The following UTP20 variants were observed in gnomAD, a reference collection of about 807,000 sequenced individuals.
UTP20 encodes the protein small subunit processome component 20 homolog.
Under a neutral mutation model 329.5 loss-of-function variants are expected in UTP20, and 164 were observed. The observed-to-expected ratio is 0.50, with a 90% CI of 0.44 to 0.57. UTP20 has a LOEUF of 0.57. UTP20 is among the 20% of genes least tolerant of loss of function. The probability of loss-of-function intolerance (pLI) is 0.00; values close to 1 mark genes in which losing one functional copy is unlikely to be tolerated. For missense variants in UTP20, 3,055 were observed against 3,284.2 expected, an observed-to-expected ratio of 0.93 and a Z score of 1.71; for synonymous variants, 1,151 against 1,159.3, an observed-to-expected ratio of 0.99 and a Z score of 0.14.
chr12:101,342,347 C>G, intron 32 of UTP20, 99 bp from the exon 33 acceptor site: 1 of 975,824 alleles, frequency 1.0e-6, no homozygotes, highest in Non-Finnish European at 1.4e-6. Flanking sequence ...ACTTTTACAT[C>G]TTATTCACAA....
chr12:101,311,620 CATTTT>C (rs1402453231), intron 19 of UTP20, 94 bp from the exon 20 acceptor site: 2 of 1,087,206 alleles, frequency 1.8e-6, no homozygotes, highest in Non-Finnish European at 2.6e-6. Context: ...ACCTAATTGA[CATTTT>C]AGTTATATCC....
At chr12:101,375,857 C>A in intron 56 of UTP20, 101 bp downstream of exon 56, 1 of 711,688 alleles carries the variant, frequency 1.4e-6, no homozygotes. Context: ...AGAAAGTATA[C>A]AATGTCAGGA....
intron 43 of UTP20, among the ~76,000 whole-genome samples, chr12:101,360,245 G>C (rs1369778276): frequency 6.6e-6 from 1 of 152,198 alleles, no homozygotes; most frequent in Non-Finnish European, 1.5e-5. Flanking sequence ...TTTTTTTACA[G>C]TTACAGGAAA....
intron 27 of UTP20, among the ~76,000 whole-genome samples, chr12:101,330,794 C>T (rs1037837984): frequency 6.6e-6 from 1 of 152,178 alleles, no homozygotes; most frequent in African/African-American, 2.4e-5. Context: ...TAATCAGTAA[C>T]TCAAAGGATA....
chr12:101,353,099 G>T lies in UTP20; in HGVS notation c.5077G>T (p.Glu1693Ter). 1 of 1,597,264 alleles carries T rather than the reference G, an allele frequency of 6.3e-7. No homozygotes were observed. Among genetic ancestry groups the T allele is most frequent in the South Asian group, 1.1e-5 (1 of 88,424 alleles). Residue 1693 changes from glutamate to a stop codon, truncating the protein, a stop_gained, in exon 40 of 62, where the codon GAA becomes TAA. Coordinates refer to ENST00000261637, the MANE Select transcript of UTP20 (RefSeq NM_014503.3). LOFTEE classifies it high-confidence loss of function. ...AFHFDHKTLEEQMGKIENEEN... is the reference protein window; with the variant it reads ...AFHFDHKTLE Reference sequence around the variant, plus strand: ...CCACTTTGACCACAAAACTCTTGAAGAACAAATGGGAAAAATTGAGAATGA... The same window carrying T: ...CCACTTTGACCACAAAACTCTTGAATAACAAATGGGAAAAATTGAGAATGA...
Position 101,383,628 on chromosome 12 carries a change from CTCCT to C in UTP20, c.8017_8020del (p.Pro2673CysfsTer16). ...AAGCCGTATCTCCCAATGATCATAG[CTCCT>C]TTGTTTCGGGAACTCAACAGCACCT... On this transcript the variant is annotated frameshift_variant, in exon 60 of 62. Transcript: ENST00000261637. LOFTEE classifies it high-confidence loss of function. The C allele has an allele frequency of 6.2e-7, 1 of 1,613,820 alleles. No individual in the cohort carries two copies. Among genetic ancestry groups the C allele is most frequent in the South Asian group, 1.1e-5 (1 of 91,038 alleles).
chr12:101,334,912 A>G (rs560732258), intron 29 of UTP20, among the ~76,000 whole-genome samples: 8 of 152,194 alleles, frequency 5.3e-5, no homozygotes, highest in African/African-American at 1.4e-4. Context: ...AGTTGAGGCT[A>G]CAATGAGCCA....
intron 14 of UTP20, among the ~76,000 whole-genome samples, 193 bp downstream of exon 14, chr12:101,300,254 G>T (rs993659540): frequency 6.6e-6 from 1 of 152,192 alleles, no homozygotes; most frequent in Non-Finnish European, 1.5e-5. Context: ...CTGGGTCACG[G>T]TGGCTTGAGC....
chr12:101,320,326 C>T (rs1275687514), intron 23 of UTP20, among the ~76,000 whole-genome samples: 2 of 151,976 alleles, frequency 1.3e-5, no homozygotes, highest in Non-Finnish European at 2.9e-5. Context: ...GAGGCCAAGG[C>T]GGACAGATCA....
At chr12:101,325,865 T>C (rs1175244642) in intron 25 of UTP20, among the ~76,000 whole-genome samples, 1 of 152,246 alleles carries the variant, frequency 6.6e-6, no homozygotes, top group Non-Finnish European at 1.5e-5. Context: ...TATCTGGTAC[T>C]ATGAACCTGA....
chr12:101,312,928 A>C (rs1324649787), intron 21 of UTP20, among the ~76,000 whole-genome samples: 1 of 152,178 alleles, frequency 6.6e-6, no homozygotes, highest in Non-Finnish European at 1.5e-5. Context: ...GGCCACACTG[A>C]GTTTGATTCA....
chr12:101,373,342 A>C (rs534711607), intron 52 of UTP20, 59 bp from the exon 53 acceptor site: 35 of 1,472,060 alleles, frequency 2.4e-5, no homozygotes, highest in Non-Finnish European at 3.1e-5. Context: ...TTCATTTTTT[A>C]AATAATTATT....
At chr12:101,357,833 G>C (rs116595165) in intron 43 of UTP20, among the ~76,000 whole-genome samples, 1,645 of 152,300 alleles carry the variant, frequency 0.011, 28 homozygotes, top group African/African-American at 0.038. Context: ...GCTGCTCCAA[G>C]CATGGCACCT....
At position 101,312,120 on chromosome 12, in the gene UTP20, C is replaced by T. The variant is rs1872811801; in HGVS notation, c.2396C>T (p.Ala799Val). 6.2e-7 allele frequency: 1 copy of T among 1,614,122 alleles called. No homozygotes were observed. Among genetic ancestry groups the T allele is most frequent in the South Asian group, 1.1e-5 (1 of 91,082 alleles). The stretch of plus-strand genomic sequence containing the variant: ...CAGACCCAGGAAGGAGATGTTGGAG[C>T]TCTTTATCATGAGCAGTTAGCATTG... ...WEQTQEGDVG[A>V]LYHEQLALKT... The change falls in exon 21 of 62, where the codon GCT becomes GTT. Residue 799 changes from alanine to valine, a missense_variant. Ala to Val is a moderately conservative substitution (Grantham distance 64). Coordinates refer to ENST00000261637, the MANE Select transcript of UTP20 (RefSeq NM_014503.3).
chr12:101,332,103 C>T (rs897698682), intron 27 of UTP20, among the ~76,000 whole-genome samples: 3 of 151,984 alleles, frequency 2.0e-5, no homozygotes, highest in Admixed American at 6.6e-5. Flanking sequence ...TTTGGGAGTC[C>T]GAGGCGGGCA....
intron 21 of UTP20, 56 bp downstream of exon 21, chr12:101,312,332 A>G (rs1872820168): frequency 6.3e-7 from 1 of 1,591,782 alleles, no homozygotes. Flanking sequence ...AGAGAATGTG[A>G]GAAGTATTAA....
In UTP20 at chr12:101,286,318, C is replaced by A; in HGVS notation, c.327-3C>A. ...TGATCAGTTGCTTCTTTTTTTAATC[C>A]AGTTTGGTTGTACAGTTGGCACGAG... On this transcript the variant is annotated splice_polypyrimidine_tract_variant and splice_region_variant and intron_variant, in intron 4 of 61. Coordinates refer to ENST00000261637, the MANE Select transcript of UTP20 (RefSeq NM_014503.3). 1 of 1,556,902 alleles carries A rather than the reference C, an allele frequency of 6.4e-7. No individual in the cohort carries two copies. Among genetic ancestry groups the A allele is most frequent in the Non-Finnish European group, 8.7e-7 (1 of 1,153,270 alleles).
At chr12:101,373,257 T>C (rs1266632999) in intron 52 of UTP20, 144 bp from the exon 53 acceptor site, 13 of 771,782 alleles carry the variant, frequency 1.7e-5, no homozygotes, top group Non-Finnish European at 2.7e-5. Flanking sequence ...AATGGATACA[T>C]ACAAGCATTA....
Position 101,332,786 on chromosome 12 carries a change from G to A in UTP20, c.3418-515G>A, listed in dbSNP as rs201260661. Among the ~76,000 whole-genome samples, 3 of 152,068 alleles carry A rather than the reference G, an allele frequency of 2.0e-5. No individual in the cohort carries two copies. In the South Asian group the frequency reaches 6.2e-4, roughly 32 times the overall value. On this transcript the variant is annotated intron_variant, in intron 27 of 61. Coordinates refer to ENST00000261637, the MANE Select transcript of UTP20 (RefSeq NM_014503.3). ...CATAAATTCCTTAACTAGTCCCCTAGACTAATTTTAACAAGAATAATTTAT... is the reference window on the plus strand; with the variant it reads ...CATAAATTCCTTAACTAGTCCCCTAAACTAATTTTAACAAGAATAATTTAT...
Sources: allele counts gnomAD v4.1 joint callset (sites outside exome capture counted in the v4.1 genomes callset), GRCh38; gene constraint gnomAD v4.1.1; transcripts MANE v1.5; gene names NCBI Gene and HGNC (gene_info 2026-07-23, HGNC 2026-07-21).